ADAMTS16: variants seen among roughly 807,000 people sequenced by gnomAD.
ADAMTS16 encodes the protein A disintegrin and metalloproteinase with thrombospondin motifs 16.
In ADAMTS16, 94 loss-of-function variants were observed where a neutral mutation model predicts 145.8. The observed-to-expected ratio is 0.64, with a 90% CI of 0.55 to 0.77. ADAMTS16 has a LOEUF of 0.77. Ranked by LOEUF, ADAMTS16 falls within the 30% of genes least tolerant of loss-of-function variation. ADAMTS16 has a pLI of 0.00. For missense variants in ADAMTS16, 1,585 were observed against 1,591.5 expected (o/e 1.00, Z 0.07); for synonymous variants, 659 against 604.3 (o/e 1.09, Z -1.33).
intron 18 of ADAMTS16, among the ~76,000 whole-genome samples, chr5:5,295,805 C>T (rs1057187004): frequency 3.9e-5 from 6 of 152,136 alleles, no homozygotes; most frequent in Admixed American, 3.9e-4. Flanking sequence ...AGTAGAAAGC[C>T]GAAGGGTCTC....
chr5:5,222,828 A>G lies in ADAMTS16; in HGVS notation c.1645A>G (p.Lys549Glu). The G allele has an allele frequency of 1.2e-6, 2 of 1,614,160 alleles. No individual in the cohort carries two copies. The highest frequency in any genetic ancestry group is 1.7e-5 in the Admixed American group (1 of 60,026). ...KALWCHRIGR[K>E]CETKFMPAAE... is the part of the protein sequence containing the mutation. ...CCTGTGGTGCCATCGTATTGGAAGGAAATGTGAGACTAAATTTATGCCAGC... is the reference window on the plus strand; with the variant it reads ...CCTGTGGTGCCATCGTATTGGAAGGGAATGTGAGACTAAATTTATGCCAGC... The change falls in exon 11 of 23, where the codon AAA becomes GAA. Residue 549 changes from lysine (K) to glutamate (E), a missense_variant. Physicochemically the swap from Lys to Glu is moderately conservative, Grantham distance 56. This residue lies in a region of ADAMTS16 where 298 missense variants were observed against 367.6 expected (regional missense o/e 0.81). Coordinates refer to ENST00000274181, the MANE Select transcript of ADAMTS16 (RefSeq NM_139056.4).
intron 18 of ADAMTS16, among the ~76,000 whole-genome samples, chr5:5,288,543 C>T (rs2126484268): frequency 6.6e-6 from 1 of 152,220 alleles, no homozygotes; most frequent in Admixed American, 6.5e-5. Context: ...GAAAACTTCT[C>T]CGAGTAGATA....
intron 9 of ADAMTS16, among the ~76,000 whole-genome samples, chr5:5,201,103 C>A (rs1355891257): frequency 6.6e-6 from 1 of 152,140 alleles, no homozygotes; most frequent in Non-Finnish European, 1.5e-5. Context: ...TTCAGAGACC[C>A]AGGTTTCTTC....
chr5:5,267,608 C>A (rs1048212069), intron 18 of ADAMTS16, among the ~76,000 whole-genome samples: 2 of 152,118 alleles, frequency 1.3e-5, no homozygotes, highest in Non-Finnish European at 2.9e-5. Context: ...GTGTTTCTCT[C>A]GATGTCAAAT....
At position 5,158,070 on chromosome 5, in the gene ADAMTS16, T is replaced by C. The variant is rs573046213; in HGVS notation, c.501+11615T>C. Reference sequence around the variant, plus strand: ...TCAGTTGAAAAGTCATTCCCATAAGTAATATCACACTGTTTCACTGTTGCT... The same window carrying C: ...TCAGTTGAAAAGTCATTCCCATAAGCAATATCACACTGTTTCACTGTTGCT... On this transcript the variant is annotated intron_variant, in intron 3 of 22. Transcript: ENST00000274181. 2.6e-5 allele frequency among the ~76,000 whole-genome samples: 4 copies of C among 152,338 alleles called. No individual in the cohort carries two copies. The East Asian group carries it at 7.7e-4, about 29-fold the overall frequency.
chr5:5,160,717 C>T (rs955585837), intron 3 of ADAMTS16, among the ~76,000 whole-genome samples: 2 of 150,910 alleles, frequency 1.3e-5, no homozygotes, highest in African/African-American at 4.9e-5. Context: ...TGAAAGTGCA[C>T]CTGATCTTGT....
At chr5:5,247,314 T>C (rs1330116658) in intron 17 of ADAMTS16, among the ~76,000 whole-genome samples, 1 of 152,188 alleles carries the variant, frequency 6.6e-6, no homozygotes, top group Non-Finnish European at 1.5e-5. Flanking sequence ...CGTTCTTTAT[T>C]CTTTATCTAA....
intron 18 of ADAMTS16, among the ~76,000 whole-genome samples, chr5:5,280,166 A>C (rs1291693595): frequency 6.6e-6 from 1 of 152,086 alleles, no homozygotes; most frequent in African/African-American, 2.4e-5. Flanking sequence ...TGAATCCTGA[A>C]TCCTGAATCC....
At chr5:5,207,711 ATTT>A (rs71604112) in intron 9 of ADAMTS16, among the ~76,000 whole-genome samples, 20 of 146,810 alleles carry the variant, frequency 1.4e-4, no homozygotes, top group South Asian at 4.3e-4. Flanking sequence ...GTTTGCTGGG[ATTT>A]TTTTTTTTTT....
chr5:5,169,483 T>G (rs1387163956), intron 3 of ADAMTS16, among the ~76,000 whole-genome samples: 1 of 152,190 alleles, frequency 6.6e-6, no homozygotes, highest in East Asian at 1.9e-4. Context: ...GGATGTGCAC[T>G]GTGGAATTCC....
At position 5,235,090 on chromosome 5, in the gene ADAMTS16, G is replaced by A; in HGVS notation, c.1927G>A (p.Asp643Asn). The A allele has an allele frequency of 6.2e-7, 1 of 1,608,128 alleles. No homozygotes were observed. The highest frequency in any genetic ancestry group is 1.1e-5 in the South Asian group (1 of 90,874). The change falls in exon 13 of 23, where the codon GAC becomes AAC. Residue 643 changes from aspartate to asparagine, a missense_variant. Around this residue, in one of 3 missense-constraint regions of ADAMTS16, gnomAD observed 834 missense variants for 811.7 expected, o/e 1.03. Transcript: ENST00000274181. ...KLCNSQKCPR[D>N]SVDFRAAQCA... ...CTGCAACAGTCAGAAATGTCCCCGG[G>A]ACAGTGTTGACTTCCGTGCTGCTCA...
intron 9 of ADAMTS16, among the ~76,000 whole-genome samples, chr5:5,208,770 A>T (rs1307558443): frequency 6.6e-6 from 1 of 152,194 alleles, no homozygotes; most frequent in Non-Finnish European, 1.5e-5. Context: ...AAAGATGTCC[A>T]TCATAAGAGC....
chr5:5,220,228 C>T (rs542786536), intron 10 of ADAMTS16, among the ~76,000 whole-genome samples: 20 of 146,820 alleles, frequency 1.4e-4, no homozygotes, highest in South Asian at 2.1e-4. Context: ...GGTGCCATCT[C>T]GGCTCACTGC....
Position 5,232,511 on chromosome 5 carries a change from C to A in ADAMTS16, c.1845C>A (p.Asn615Lys), listed in dbSNP as rs769351671. ...CTCATAGGAGTCGCCTCTGCACCAA[C>A]CCCAAGTAAGTATGCCTTGACCTCC... ...GVSHRSRLCT[N>K]PKPSHGGKFC... is the part of the protein sequence containing the mutation. Residue 615 changes from asparagine (N) to lysine (K), a missense_variant, in exon 12 of 23, where the codon AAC (asparagine) becomes AAA (lysine). Asn to Lys is a moderately conservative substitution (Grantham distance 94). Transcript: ENST00000274181. The A allele has an allele frequency of 5.0e-6, 8 of 1,613,180 alleles. No individual in the cohort carries two copies. The South Asian group carries it at 8.8e-5, about 18-fold the overall frequency.
At chr5:5,170,243 C>A (rs576723671) in intron 3 of ADAMTS16, among the ~76,000 whole-genome samples, 31 of 152,304 alleles carry the variant, frequency 2.0e-4, no homozygotes, top group African/African-American at 7.2e-4. Flanking sequence ...AGCCATTTTA[C>A]TGAAGTGAGA....
chr5:5,152,339 T>A (rs12515574), intron 3 of ADAMTS16, among the ~76,000 whole-genome samples: 16,695 of 152,274 alleles, frequency 0.11, 1,053 homozygotes, highest in Middle Eastern at 0.15. Context: ...TGGTTGTGCT[T>A]CCTGTCTTGA....
At chr5:5,145,880 G>A (rs1029175338) in intron 2 of ADAMTS16, among the ~76,000 whole-genome samples, 7 of 152,198 alleles carry the variant, frequency 4.6e-5, no homozygotes, top group Middle Eastern at 3.4e-3. Context: ...TAACATCACC[G>A]CATCACTGTT....
At chr5:5,307,804 G>C (rs777533026) in intron 21 of ADAMTS16, among the ~76,000 whole-genome samples, 1 of 152,158 alleles carries the variant, frequency 6.6e-6, no homozygotes, top group Non-Finnish European at 1.5e-5. Context: ...GCTCGATGGG[G>C]TCCACACGTG....
intron 20 of ADAMTS16, 27 bp from the exon 21 acceptor site, chr5:5,306,477 T>G (rs1249844070): frequency 6.3e-7 from 1 of 1,576,566 alleles, no homozygotes. Context: ...TTTTTTTCAC[T>G]GACTTCTTTT....
Sources: gnomAD v4.1 joint callset for allele counts (sites outside exome capture counted in the v4.1 genomes callset) on GRCh38, gnomAD v4.1.1 for gene constraint, gnomAD v4.1.1 regional missense constraint, MANE v1.5 for transcripts, NCBI Gene and HGNC (gene_info 2026-07-23, HGNC 2026-07-21) for gene names.